The following GLIS3 variants were observed in gnomAD, a reference collection of about 807,000 sequenced individuals.
GLIS3 encodes GLIS family zinc finger 3, also known as zinc finger protein GLIS3.
A neutral mutation model predicts 78.6 loss-of-function variants in GLIS3; 53 were observed. That is an observed-to-expected ratio of 0.67 (90% CI 0.54 to 0.85). GLIS3 has a LOEUF of 0.85. GLIS3 is among the 40% of genes least tolerant of loss of function. The pLI, the probability that GLIS3 is intolerant of heterozygous loss-of-function variation, is 0.00. For synonymous variants in GLIS3, 684 were observed against 509.9 expected, an observed-to-expected ratio of 1.34 and a Z score of -4.60; for missense variants, 1,703 against 1,231.1, an observed-to-expected ratio of 1.38 and a Z score of -5.74.
chr9:3,921,125 C>T (rs761693375), intron 6 of GLIS3, among the ~76,000 whole-genome samples: 65 of 152,300 alleles, frequency 4.3e-4, no homozygotes, highest in Non-Finnish European at 7.1e-4. Flanking sequence ...ATGCATTATT[C>T]CTTCAAGATA....
In GLIS3 at chr9:4,263,321, A is replaced by C. The variant is rs577875962; in HGVS notation, c.388+22717T>G. On this transcript the variant is annotated intron_variant, in intron 2 of 10. Transcript: ENST00000381971. ...ACGACTTCACTCTACAGTATAATGT[A>C]GACAATTATTAAGAACTATTATGGT... Among the ~76,000 whole-genome samples the C allele has an allele frequency of 2.0e-5, 3 of 152,362 alleles. No individual in the cohort carries two copies. In the East Asian group the frequency reaches 5.8e-4, roughly 29 times the overall value.
intron 2 of GLIS3, among the ~76,000 whole-genome samples, chr9:4,324,061 T>G (rs1273232669): frequency 6.6e-6 from 1 of 152,222 alleles, no homozygotes; most frequent in Non-Finnish European, 1.5e-5. Context: ...CGTTAACTCT[T>G]CTTTGAAAAT....
chr9:3,880,127 C>T (rs1821629535), intron 7 of GLIS3, among the ~76,000 whole-genome samples: 1 of 152,068 alleles, frequency 6.6e-6, no homozygotes. Context: ...GATCCTGCAC[C>T]CTTTTAACTT....
the GLIS3 span, among the ~76,000 whole-genome samples, chr9:4,486,778 C>T: frequency 6.6e-6 from 1 of 152,226 alleles, no homozygotes; most frequent in South Asian, 2.1e-4. Flanking sequence ...CAACCTCAAA[C>T]TCCTGGGCTC....
chr9:4,358,270 C>T, the GLIS3 span, among the ~76,000 whole-genome samples: 20 of 152,068 alleles, frequency 1.3e-4, 1 homozygote, highest in African/African-American at 4.6e-4. Flanking sequence ...TTTTTGTATA[C>T]TCGTTTTAAT....
At chr9:4,488,524 C>CT in the GLIS3 span, among the ~76,000 whole-genome samples, 62,513 of 149,294 alleles carry the variant, frequency 0.42, 13,016 homozygotes, top group Middle Eastern at 0.49. Context: ...CGCTCTCTCT[C>CT]TTTTTTTTTT....
chr9:4,232,919 T>G (rs1180243664), intron 2 of GLIS3, among the ~76,000 whole-genome samples: 1 of 152,198 alleles, frequency 6.6e-6, no homozygotes, highest in Non-Finnish European at 1.5e-5. Context: ...ATACCTCCAG[T>G]GGTAGAATCA....
chr9:4,467,795 G>A, the GLIS3 span, among the ~76,000 whole-genome samples: 2 of 152,090 alleles, frequency 1.3e-5, no homozygotes, highest in African/African-American at 2.4e-5. Flanking sequence ...ACTCTGACGA[G>A]TTGAGAGAAG....
At chr9:3,873,975 G>A (rs892845499) in intron 8 of GLIS3, among the ~76,000 whole-genome samples, 2 of 151,908 alleles carry the variant, frequency 1.3e-5, no homozygotes, top group African/African-American at 2.4e-5. Context: ...TTCTTTCTGT[G>A]ATATTATGAA....
chr9:4,316,393 T>C (rs1415044019), intron 2 of GLIS3, among the ~76,000 whole-genome samples: 2 of 152,230 alleles, frequency 1.3e-5, no homozygotes, highest in Admixed American at 6.5e-5. Context: ...ACAGATATTT[T>C]AGCAGCTCCT....
intron 2 of GLIS3, among the ~76,000 whole-genome samples, chr9:4,258,156 G>GA (rs541453400): frequency 5.3e-5 from 8 of 151,310 alleles, no homozygotes; most frequent in East Asian, 1.9e-4. Flanking sequence ...ATTCTACAAT[G>GA]AAAAAAAATA....
At chr9:3,923,218 C>A (rs551411565) in intron 6 of GLIS3, among the ~76,000 whole-genome samples, 1 of 152,306 alleles carries the variant, frequency 6.6e-6, no homozygotes, top group African/African-American at 2.4e-5. Flanking sequence ...CTATAATTAT[C>A]TCTCTAAATC....
chr9:4,467,403 A>C, the GLIS3 span, among the ~76,000 whole-genome samples: 24 of 152,318 alleles, frequency 1.6e-4, no homozygotes, highest in East Asian at 2.5e-3. Context: ...CTGATACCTC[A>C]TATGGCCACA....
chr9:3,860,272 C>CCAAAA lies in GLIS3; in HGVS notation c.2298-4089_2298-4088insTTTTG, dbSNP rs1820105377. ...CCTGGGTGACAGAGCAAGACTCTGTCAAAAAAAAAAAAAAAAAAAAAAAAA... is the reference window on the plus strand; with the variant it reads ...CCTGGGTGACAGAGCAAGACTCTGTCCAAAAAAAAAAAAAAAAAAAAAAAAAAAAA... On this transcript the variant is annotated intron_variant, in intron 8 of 10. Transcript: ENST00000381971. 5.6e-5 allele frequency among the ~76,000 whole-genome samples: 3 copies of CCAAAA among 53,604 alleles called. No individual in the cohort carries two copies. The Admixed American group carries it at 8.8e-4, about 16-fold the overall frequency. The allele number at this position is 53,604 out of a possible 152,430, so 35.2% of individuals were successfully genotyped here.
chr9:3,853,548 T>C (rs1182424214), intron 9 of GLIS3, among the ~76,000 whole-genome samples: 1 of 152,186 alleles, frequency 6.6e-6, no homozygotes, highest in Non-Finnish European at 1.5e-5. Flanking sequence ...TTAATTAAGC[T>C]CCTACTCTGT....
At chr9:4,350,416 A>G (rs547166183), upstream of GLIS3, among the ~76,000 whole-genome samples, 30 of 152,366 alleles carry the variant, frequency 2.0e-4, no homozygotes, top group African/African-American at 7.0e-4. Context: ...CTATATGGAT[A>G]GAAACAATTG....
intron 2 of GLIS3, among the ~76,000 whole-genome samples, chr9:4,189,334 C>A (rs1024580912): frequency 6.6e-6 from 1 of 152,098 alleles, no homozygotes; most frequent in African/African-American, 2.4e-5. Context: ...ATCCTGAGTT[C>A]TAGTTTGATT....
chr9:4,336,594 G>T (rs1480415780), intron 2 of GLIS3, among the ~76,000 whole-genome samples: 1 of 152,170 alleles, frequency 6.6e-6, no homozygotes, highest in Non-Finnish European at 1.5e-5. Context: ...TAAGACTCAG[G>T]AAGATAAAAC....
At chr9:3,954,458 T>G (rs1025368656) in intron 4 of GLIS3, among the ~76,000 whole-genome samples, 2 of 152,236 alleles carry the variant, frequency 1.3e-5, no homozygotes, top group African/African-American at 2.4e-5. Flanking sequence ...TGCCCCGTGG[T>G]TAAAGAGAAA....
Sources: gnomAD v4.1 joint callset for allele counts (sites outside exome capture counted in the v4.1 genomes callset) on GRCh38, gnomAD v4.1.1 for gene constraint, MANE v1.5 for transcripts, NCBI Gene and HGNC (gene_info 2026-07-23, HGNC 2026-07-21) for gene names.